The following KIT variants were observed in gnomAD, a reference collection of about 807,000 sequenced individuals.
The protein encoded by KIT is KIT proto-oncogene, receptor tyrosine kinase.
KIT carries 16 observed loss-of-function variants against 105.7 expected under a neutral mutation model. The ratio of observed to expected loss-of-function variants is 0.15; its 90% CI spans 0.10 to 0.23. KIT has a LOEUF of 0.23. Ranked by LOEUF, KIT falls within the 10% of genes least tolerant of loss-of-function variation. The pLI, the probability that KIT is intolerant of heterozygous loss-of-function variation, is 1.00. For missense variants in KIT, 858 were observed against 1,213.8 expected (o/e 0.71, Z 4.36); for synonymous variants, 438 against 441.1 (o/e 0.99, Z 0.09).
intron 1 of KIT, among the ~76,000 whole-genome samples, chr4:54,671,465 C>T (rs1243342822): frequency 6.6e-6 from 1 of 152,144 alleles, no homozygotes; most frequent in Non-Finnish European, 1.5e-5. Flanking sequence ...TTGACAATTT[C>T]AATGAAATTA....
chr4:54,664,058 G>T (rs1717498859), intron 1 of KIT, among the ~76,000 whole-genome samples: 1 of 152,158 alleles, frequency 6.6e-6, no homozygotes, highest in African/African-American at 2.4e-5. Flanking sequence ...TTTTCAAGGA[G>T]ATGAGCTTAA....
Position 54,740,205 on chromosome 4 carries a change from T to C in KIT, c.*1648T>C, listed in dbSNP as rs929382804. The C allele has an allele frequency of 8.6e-6, 2 of 233,458 alleles. No homozygotes were observed. Among genetic ancestry groups the C allele is most frequent in the Non-Finnish European group, 1.7e-5 (2 of 117,982 alleles). 14.5% of individuals were successfully genotyped at this position (233,458 alleles called of 1,614,324 possible). A position where few individuals can be genotyped will look rare whatever the true frequency, so the allele number is the denominator to read the frequency against. ...TGTGGCCGTTATCTGGAAGTAACCA[T>C]TTGCACTGGAGTTCTATGCTCTCGC... is the stretch of plus-strand genomic sequence containing the variant. On this transcript the variant is annotated 3_prime_UTR_variant, in exon 21 of 21. Coordinates refer to ENST00000288135, the MANE Select transcript of KIT (RefSeq NM_000222.3).
At chr4:54,668,435 C>T (rs1265624617) in intron 1 of KIT, among the ~76,000 whole-genome samples, 1 of 152,090 alleles carries the variant, frequency 6.6e-6, no homozygotes, top group African/African-American at 2.4e-5. Flanking sequence ...TTGGGTTTAC[C>T]CCAGGTAACT....
At chr4:54,673,082 C>T (rs1718224299) in intron 1 of KIT, among the ~76,000 whole-genome samples, 1 of 152,158 alleles carries the variant, frequency 6.6e-6, no homozygotes, top group African/African-American at 2.4e-5. Flanking sequence ...TGTTTTTCCA[C>T]CTTTATTCTT....
At chr4:54,727,753 C>T in intron 11 of KIT, 70 bp from the exon 12 acceptor site, 1 of 1,361,444 alleles carries the variant, frequency 7.3e-7, no homozygotes, top group Non-Finnish European at 1.0e-6. Flanking sequence ...GATTTTGAAA[C>T]TGCACAAATG....
Position 54,731,879 on chromosome 4 carries a change from A to C in KIT, c.2242A>C (p.Ile748Leu), listed in dbSNP as rs1317162648. 2 of 1,613,416 alleles carry C rather than the reference A, an allele frequency of 1.2e-6. No homozygotes were observed. Among genetic ancestry groups the C allele is most frequent in the Non-Finnish European group, 1.7e-6 (2 of 1,179,552 alleles). The stretch of plus-strand genomic sequence containing the variant: ...TCCTCTCTTCCTCACAGGCTCATAC[A>C]TAGAAAGAGATGTGACTCCCGCCAT... ...KRRSVRIGSY[I>L]ERDVTPAIME... Residue 748 changes from isoleucine (I) to leucine (L), a missense_variant, in exon 16 of 21, where the codon ATA becomes CTA. This residue lies in a region of KIT where 158 missense variants were observed against 218.7 expected (regional missense o/e 0.72). Transcript: ENST00000288135.
chr4:54,708,805 A>T (rs1720955958), intron 6 of KIT, among the ~76,000 whole-genome samples: 1 of 152,040 alleles, frequency 6.6e-6, no homozygotes, highest in South Asian at 2.1e-4. Flanking sequence ...TGTACATCGG[A>T]GCCCCTGCCA....
chr4:54,734,599 A>G (rs1722809217), intron 17 of KIT, among the ~76,000 whole-genome samples: 1 of 152,194 alleles, frequency 6.6e-6, no homozygotes, highest in African/African-American at 2.4e-5. Context: ...GAACTAACCA[A>G]TCACAGATCT....
chr4:54,669,389 T>C (rs1717942246), intron 1 of KIT, among the ~76,000 whole-genome samples: 1 of 152,250 alleles, frequency 6.6e-6, no homozygotes, highest in Non-Finnish European at 1.5e-5. Context: ...CAGAGCATTG[T>C]GTGTGCCTGC....
chr4:54,698,586 G>A, intron 3 of KIT, 21 bp downstream of exon 3: 1 of 1,613,378 alleles, frequency 6.2e-7, no homozygotes, highest in Non-Finnish European at 8.5e-7. Context: ...TTTCTTATCT[G>A]CCTCTGGGAG....
chr4:54,673,523 T>C (rs938005003), intron 1 of KIT, among the ~76,000 whole-genome samples: 3 of 152,220 alleles, frequency 2.0e-5, no homozygotes, highest in Non-Finnish European at 4.4e-5. Context: ...AATCAACTCA[T>C]TTCTGAGTTT....
chr4:54,692,253 C>T (rs1719765340), intron 1 of KIT, among the ~76,000 whole-genome samples: 1 of 152,180 alleles, frequency 6.6e-6, no homozygotes, highest in South Asian at 2.1e-4. Flanking sequence ...AAAGGCTTTC[C>T]TGCTTTTCTA....
intron 1 of KIT, among the ~76,000 whole-genome samples, chr4:54,662,974 C>CT (rs752932450): frequency 2.0e-4 from 30 of 149,980 alleles, no homozygotes; most frequent in Non-Finnish European, 3.4e-4. Context: ...AGATCTTGAA[C>CT]TTTTTTTTTC....
rs189907870 is a variant in KIT, at chr4:54,718,843, A to G, written c.1232-4741A>G. ...CTGGATATCTTTAAGAATGTATAAG[A>G]CACAGTATATGTCCAAAATATCTAT... On this transcript the variant is annotated intron_variant, in intron 7 of 20. Transcript: ENST00000288135. 2.3e-4 allele frequency among the ~76,000 whole-genome samples: 35 copies of G among 152,354 alleles called. No individual in the cohort carries two copies. The East Asian group carries it at 5.6e-3, about 24-fold the overall frequency.
chr4:54,697,925 G>A (rs532374987), intron 2 of KIT, among the ~76,000 whole-genome samples: 2 of 152,234 alleles, frequency 1.3e-5, no homozygotes, highest in East Asian at 1.9e-4. Context: ...TGTTGGACTT[G>A]GGTTTGAGTT....
intron 1 of KIT, among the ~76,000 whole-genome samples, chr4:54,679,952 C>G (rs1718783178): frequency 6.6e-6 from 1 of 152,080 alleles, no homozygotes; most frequent in Admixed American, 6.5e-5. Flanking sequence ...TATGAGGTAC[C>G]TAGAATAATG....
intron 20 of KIT, among the ~76,000 whole-genome samples, chr4:54,737,897 C>T (rs1203567331): frequency 6.6e-6 from 1 of 152,168 alleles, no homozygotes; most frequent in Non-Finnish European, 1.5e-5. Flanking sequence ...TTTTTTTAAG[C>T]TGCTTTCTTT....
At chr4:54,668,328 A>C (rs1448409853) in intron 1 of KIT, among the ~76,000 whole-genome samples, 1 of 152,202 alleles carries the variant, frequency 6.6e-6, no homozygotes, top group Non-Finnish European at 1.5e-5. Flanking sequence ...TTCTTGACCA[A>C]GTAGAAAAAA....
intron 5 of KIT, among the ~76,000 whole-genome samples, chr4:54,704,647 G>GAAT (rs1306627547): frequency 1.3e-5 from 2 of 152,132 alleles, no homozygotes; most frequent in African/African-American, 4.8e-5. Flanking sequence ...GATTTACTGA[G>GAAT]AATAATAATA....
Sources: gnomAD v4.1 joint callset for allele counts (sites outside exome capture counted in the v4.1 genomes callset) on GRCh38, gnomAD v4.1.1 for gene constraint, gnomAD v4.1.1 regional missense constraint, MANE v1.5 for transcripts, NCBI Gene and HGNC (gene_info 2026-07-23, HGNC 2026-07-21) for gene names.